Variants in CAPS2 observed in about 807,000 individuals in gnomAD.
CAPS2 encodes the protein calcyphosin-2.
Under a neutral mutation model 86.5 loss-of-function variants are expected in CAPS2, and 98 were observed. That is an observed-to-expected ratio of 1.13 (90% CI 0.96 to 1.34). The LOEUF is 1.34. Ranked by LOEUF, CAPS2 falls within the 40% of genes most tolerant of loss-of-function variation. The pLI is 0.00. For missense variants in CAPS2, 729 were observed against 686.8 expected, an observed-to-expected ratio of 1.06 and a Z score of -0.69; for synonymous variants, 210 against 225.1, an observed-to-expected ratio of 0.93 and a Z score of 0.60.
rs2139064724 is a variant in CAPS2, at chr12:75,325,228, A to C, written c.131+11T>G. 1 of 1,548,592 alleles carries C rather than the reference A, an allele frequency of 6.5e-7. No homozygotes were observed. Among genetic ancestry groups the C allele is most frequent in the South Asian group, 1.2e-5 (1 of 83,440 alleles). ...CATTAAACAGTCCAAATGTGAAGAA[A>C]CGTAACTTACACTGGTGGGCAAGAA... On this transcript the variant is annotated intron_variant, in intron 2 of 16. Coordinates refer to ENST00000393284, the Ensembl canonical transcript of CAPS2.
intron 1 of CAPS2, 123 bp from the exon 3 acceptor site, chr12:75,325,411 T>A (rs1479756858): frequency 2.4e-6 from 2 of 818,040 alleles, no homozygotes; most frequent in Non-Finnish European, 3.6e-6. Flanking sequence ...AAATTCTATA[T>A]AATAAATACT....
exon 17 of CAPS2, chr12:75,278,942 A>T: frequency 6.2e-7 from 1 of 1,608,076 alleles, no homozygotes; most frequent in Non-Finnish European, 8.5e-7. Flanking sequence ...ATCATCTACT[A>T]TTCCTATACT....
chr12:75,298,634 C>A, intron 11 of CAPS2, 53 bp downstream of exon 11: 1 of 1,420,300 alleles, frequency 7.0e-7, no homozygotes. Context: ...CCATGGGACT[C>A]CACAAAATCC....
At chr12:75,317,468 A>G (rs1027189739) in intron 5 of CAPS2, among the ~76,000 whole-genome samples, 6 of 152,176 alleles carry the variant, frequency 3.9e-5, no homozygotes, top group African/African-American at 1.4e-4. Context: ...AAAGCATTGT[A>G]TTTTGTTCAG....
intron 1 of CAPS2, among the ~76,000 whole-genome samples, chr12:75,370,825 C>T (rs2044312055): frequency 6.6e-6 from 1 of 152,110 alleles, no homozygotes; most frequent in African/African-American, 2.4e-5. Flanking sequence ...AACATTTCTA[C>T]AAACCAGATA....
chr12:75,308,617 A>T (rs2138727682), intron 7 of CAPS2, among the ~76,000 whole-genome samples: 1 of 152,210 alleles, frequency 6.6e-6, no homozygotes. Context: ...ATATTATTTT[A>T]AGGGTAAGAA....
intron 7 of CAPS2, among the ~76,000 whole-genome samples, chr12:75,308,101 T>C (rs993611080): frequency 1.3e-5 from 2 of 152,134 alleles, no homozygotes; most frequent in Non-Finnish European, 2.9e-5. Flanking sequence ...GTGGGCCAAG[T>C]CTAAATTTGC....
chr12:75,377,630 C>T (rs976126814), intron 1 of CAPS2, among the ~76,000 whole-genome samples: 4 of 152,088 alleles, frequency 2.6e-5, no homozygotes, highest in African/African-American at 7.2e-5. Flanking sequence ...ACTCACAAGT[C>T]GGCTCATTCC....
At chr12:75,276,546 A>C, downstream of CAPS2, 10 of 979,388 alleles carry the variant, frequency 1.0e-5, no homozygotes, top group Non-Finnish European at 1.2e-5. Flanking sequence ...AGGGACATAC[A>C]TGTTTAACTA....
chr12:75,361,184 G>T (rs1300008862), intron 1 of CAPS2, among the ~76,000 whole-genome samples: 3 of 151,898 alleles, frequency 2.0e-5, no homozygotes, highest in African/African-American at 7.3e-5. Flanking sequence ...TGTGCTGATT[G>T]GTCTGTTGGT....
At chr12:75,364,008 A>G (rs2043796585) in intron 1 of CAPS2, among the ~76,000 whole-genome samples, 2 of 152,228 alleles carry the variant, frequency 1.3e-5, no homozygotes, top group Admixed American at 1.3e-4. Flanking sequence ...TACGATCAAT[A>G]GAAAGGAATA....
At chr12:75,312,573 ATT>A (rs111401228) in intron 7 of CAPS2, among the ~76,000 whole-genome samples, 2 of 152,036 alleles carry the variant, frequency 1.3e-5, no homozygotes, top group African/African-American at 4.8e-5. Flanking sequence ...TATGTGTATT[ATT>A]TTTTTAAATG....
intron 15 of CAPS2, among the ~76,000 whole-genome samples, chr12:75,283,684 C>T (rs1035191815): frequency 2.0e-5 from 3 of 152,070 alleles, no homozygotes; most frequent in South Asian, 2.1e-4. Flanking sequence ...CATCGTGGTG[C>T]GTGCCTATAA....
chr12:75,293,511 T>C (rs1287431198), intron 11 of CAPS2, 144 bp from the exon 12 acceptor site: 2 of 636,550 alleles, frequency 3.1e-6, no homozygotes, highest in Admixed American at 3.2e-5. Flanking sequence ...AATGCTTATA[T>C]GTATTTGGAG....
chr12:75,279,665 G>A (rs1032220160), intron 16 of CAPS2, among the ~76,000 whole-genome samples: 1 of 151,900 alleles, frequency 6.6e-6, no homozygotes, highest in African/African-American at 2.4e-5. Flanking sequence ...ATATTAAGAA[G>A]TTTGCTTTCT....
intron 1 of CAPS2, among the ~76,000 whole-genome samples, chr12:75,343,292 G>A (rs188496119): frequency 3.9e-4 from 60 of 151,928 alleles, no homozygotes; most frequent in African/African-American, 1.3e-3. Flanking sequence ...TCAAATTAAG[G>A]GGATTTTTTC....
intron 12 of CAPS2, among the ~76,000 whole-genome samples, chr12:75,292,201 G>A (rs564754133): frequency 3.3e-5 from 5 of 151,934 alleles, no homozygotes; most frequent in Non-Finnish European, 7.4e-5. Context: ...TGAGTAGCTG[G>A]GACTACAGGC....
exon 17 of CAPS2, chr12:75,279,037 T>A (rs750051490): frequency 6.2e-7 from 1 of 1,600,742 alleles, no homozygotes; most frequent in African/African-American, 1.3e-5. Flanking sequence ...CTAGAAAGGA[T>A]GATTTGATTT....
At chr12:75,359,143 A>G (rs1283128415) in intron 1 of CAPS2, among the ~76,000 whole-genome samples, 2 of 150,434 alleles carry the variant, frequency 1.3e-5, no homozygotes, top group African/African-American at 4.8e-5. Context: ...AAAATTAATT[A>G]CATGTCTGTA....
Sources: allele counts gnomAD v4.1 joint callset (sites outside exome capture counted in the v4.1 genomes callset), GRCh38; gene constraint gnomAD v4.1.1; transcripts MANE v1.5; gene names NCBI Gene and HGNC (gene_info 2026-07-23, HGNC 2026-07-21).